TULP4: variants seen among roughly 807,000 people sequenced by gnomAD.
TULP4 encodes the protein TUB like protein 4.
In TULP4, 16 loss-of-function variants were observed where a neutral mutation model predicts 129.0. That is an observed-to-expected ratio of 0.12 (90% CI 0.08 to 0.19). The LOEUF (loss-of-function observed/expected upper bound fraction) is 0.19. TULP4 is among the 10% of genes least tolerant of loss of function. TULP4 has a pLI of 1.00. For missense variants in TULP4, 1,842 were observed against 2,059.1 expected (o/e 0.89, Z 2.04); for synonymous variants, 998 against 854.0 (o/e 1.17, Z -2.94).
rs1248357792 is a variant in TULP4, at chr6:158,240,708, C to T, written n.68+8405C>T. Among the ~76,000 whole-genome samples, 8 of 123,922 alleles carry T rather than the reference C, an allele frequency of 6.5e-5. 1 individual carries two copies. The highest frequency in any genetic ancestry group is 6.0e-4 in the Admixed American group (7 of 11,742). The allele number at this position is 123,922 out of a possible 152,430, so 81.3% of individuals were successfully genotyped here. On this transcript the variant is annotated intron_variant and non_coding_transcript_variant, in intron 1 of 1. Coordinates refer to the TULP4 transcript ENST00000620026. ...GGCCAGGCGGGGGGCTGACCCCCCC[C>T]ACCTCCCTCCCGGACGGGGCGGCTG... is the stretch of plus-strand genomic sequence containing the variant.
At chr6:158,298,638 G>A (rs938029940) in intron 1 of TULP4, among the ~76,000 whole-genome samples, 4 of 152,162 alleles carry the variant, frequency 2.6e-5, no homozygotes, top group Admixed American at 2.6e-4. Context: ...TAACACAAGT[G>A]TATAAATGAC....
Position 158,421,533 on chromosome 6 carries a change from T to G in TULP4, c.382-8203T>G, listed in dbSNP as rs138734109. 2.8e-3 allele frequency among the ~76,000 whole-genome samples: 425 copies of G among 152,302 alleles called. 2 individuals are homozygous for G. Among genetic ancestry groups the G allele is most frequent in the South Asian group, 4.3e-3 (21 of 4,828 alleles). ...ATAATGTTCAGGTTAAAATAAAATT[T>G]TGTGCAGCCCAAAGTTCTTTTGCAG... On this transcript the variant is annotated intron_variant, in intron 2 of 13. Transcript: ENST00000367097.
At chr6:158,310,274 C>T (rs1425938490), upstream of TULP4, 4 of 150,600 alleles carry the variant, frequency 2.7e-5, no homozygotes, top group Non-Finnish European at 5.9e-5. Flanking sequence ...TAGCATGTCA[C>T]ATAGCTAGAG....
At chr6:158,424,889 C>G (rs967538036) in intron 2 of TULP4, among the ~76,000 whole-genome samples, 2 of 151,948 alleles carry the variant, frequency 1.3e-5, no homozygotes, top group African/African-American at 2.4e-5. Context: ...CACGGTGGCT[C>G]GTACCGGTAA....
At chr6:158,382,878 A>G (rs1429215124) in intron 1 of TULP4, among the ~76,000 whole-genome samples, 1 of 152,226 alleles carries the variant, frequency 6.6e-6, no homozygotes, top group Non-Finnish European at 1.5e-5. Flanking sequence ...TGACATATTA[A>G]TTAGAGCAAT....
chr6:158,360,335 A>G (rs1348694399), intron 1 of TULP4, among the ~76,000 whole-genome samples: 2 of 152,060 alleles, frequency 1.3e-5, no homozygotes, highest in African/African-American at 4.8e-5. Context: ...CAGGGCCTCA[A>G]ATGGAAATGG....
At position 158,501,920 on chromosome 6, in the gene TULP4, C is replaced by T. The variant is rs774337708; in HGVS notation, c.2257C>T (p.Pro753Ser). 3 of 1,614,142 alleles carry T rather than the reference C, an allele frequency of 1.9e-6. No individual in the cohort carries two copies. The highest frequency in any genetic ancestry group is 2.5e-6 in the Non-Finnish European group (3 of 1,180,008). Residue 753 changes from proline (P) to serine (S), a missense_variant, in exon 13 of 14, where the codon CCT becomes TCT. Pro to Ser is a moderately conservative substitution (Grantham distance 74). Transcript: ENST00000367097. ...CCCAGTCTCCAACCGGTACTCCAAT[C>T]CTGGACAGGTGATTTTCGGAAGCGT... ...QYPVSNRYSN[P>S]GQVIFGSVEM...
At chr6:158,335,699 T>C (rs529479237) in intron 1 of TULP4, among the ~76,000 whole-genome samples, 9 of 152,376 alleles carry the variant, frequency 5.9e-5, no homozygotes, top group Non-Finnish European at 1.3e-4. Context: ...AGGACTGTTT[T>C]TGCACTTCGC....
In TULP4 at chr6:158,359,099, G is replaced by A. The variant is rs866271289; in HGVS notation, c.252+44831G>A. Among the ~76,000 whole-genome samples the A allele has an allele frequency of 2.6e-5, 4 of 152,158 alleles. No homozygotes were observed. In the South Asian group the frequency reaches 8.3e-4, roughly 32 times the overall value. ...TAATACATTAAGATAGCCTTCATAG[G>A]AAGATTCTGCCCCTAATTTGTTGTT... On this transcript the variant is annotated intron_variant, in intron 1 of 13. Coordinates refer to ENST00000367097, the MANE Select transcript of TULP4 (RefSeq NM_020245.5).
intron 1 of TULP4, among the ~76,000 whole-genome samples, chr6:158,259,768 A>G (rs1778317042): frequency 6.6e-6 from 1 of 152,220 alleles, no homozygotes; most frequent in Non-Finnish European, 1.5e-5. Context: ...TGGGGATTCC[A>G]CCACCTTGTC....
chr6:158,424,982 T>C (rs1218916686), intron 2 of TULP4, among the ~76,000 whole-genome samples: 1 of 150,208 alleles, frequency 6.7e-6, no homozygotes, highest in East Asian at 2.0e-4. Context: ...TGAAACCCCG[T>C]CTCTACTAAA....
intron 1 of TULP4, among the ~76,000 whole-genome samples, chr6:158,332,788 C>T (rs961423893): frequency 2.0e-5 from 3 of 152,144 alleles, no homozygotes; most frequent in African/African-American, 7.2e-5. Context: ...CTATTTTCAT[C>T]TTGTGGTGTC....
chr6:158,465,099 A>AC (rs1341041888), intron 6 of TULP4, among the ~76,000 whole-genome samples: 1 of 152,092 alleles, frequency 6.6e-6, no homozygotes, highest in Non-Finnish European at 1.5e-5. Context: ...TTGTGCCTAA[A>AC]CCCCAAAGGG....
At chr6:158,498,862 T>C (rs201471926) in intron 12 of TULP4, 50 bp downstream of exon 12, 66 of 1,605,556 alleles carry the variant, frequency 4.1e-5, no homozygotes, top group Non-Finnish European at 5.5e-5. Context: ...TGTCAGTAGA[T>C]CATGCAAGGG....
At chr6:158,347,077 G>T (rs1161756316) in intron 1 of TULP4, among the ~76,000 whole-genome samples, 2 of 152,104 alleles carry the variant, frequency 1.3e-5, no homozygotes, top group African/African-American at 4.8e-5. Flanking sequence ...GGCTTTCAGC[G>T]ACAGAAATCC....
chr6:158,285,286 T>TAAC (rs1778816594), intron 1 of TULP4, among the ~76,000 whole-genome samples: 1 of 152,208 alleles, frequency 6.6e-6, no homozygotes, highest in Non-Finnish European at 1.5e-5. Flanking sequence ...ACAAATAATA[T>TAAC]GTTGTTTATT....
chr6:158,362,100 C>T (rs889360949), intron 1 of TULP4, among the ~76,000 whole-genome samples: 11 of 152,224 alleles, frequency 7.2e-5, no homozygotes, highest in Non-Finnish European at 1.5e-5. Flanking sequence ...AGCTCTGTTG[C>T]ATAACTGTCC....
At chr6:158,289,603 C>A (rs1427574262) in intron 1 of TULP4, among the ~76,000 whole-genome samples, 3 of 152,058 alleles carry the variant, frequency 2.0e-5, no homozygotes, top group Admixed American at 2.0e-4. Flanking sequence ...TTTTTTGAGA[C>A]AGCGTCTCAT....
At chr6:158,291,488 C>A (rs1778939444) in intron 1 of TULP4, among the ~76,000 whole-genome samples, 1 of 152,124 alleles carries the variant, frequency 6.6e-6, no homozygotes, top group Non-Finnish European at 1.5e-5. Context: ...TTTTATTGTG[C>A]ACTTTTACTA....
Sources: allele counts gnomAD v4.1 joint callset (sites outside exome capture counted in the v4.1 genomes callset), GRCh38; gene constraint gnomAD v4.1.1; transcripts MANE v1.5; gene names NCBI Gene and HGNC (gene_info 2026-07-23, HGNC 2026-07-21).